Variants in FAAH2 observed in about 807,000 individuals in gnomAD.
The protein encoded by FAAH2 is fatty-acid amide hydrolase 2.
In FAAH2, 60 loss-of-function variants were observed where a neutral mutation model predicts 36.9. The ratio of observed to expected loss-of-function variants is 1.63; its 90% CI spans 1.32 to 2.02. The LOEUF (loss-of-function observed/expected upper bound fraction) is 2.02. Ranked by LOEUF, FAAH2 falls within the 30% of genes most tolerant of loss-of-function variation. The probability of loss-of-function intolerance (pLI) is 0.00; values close to 1 mark genes in which losing one functional copy is unlikely to be tolerated. For missense variants in FAAH2, 689 were observed against 397.5 expected, an observed-to-expected ratio of 1.73 and a Z score of -6.23; for synonymous variants, 214 against 143.8, an observed-to-expected ratio of 1.49 and a Z score of -3.49.
the FAAH2 span, chrX:57,135,582 C>G: frequency 1.8e-6 from 1 of 569,339 alleles, no homozygotes. Flanking sequence ...GCTGTTCGTT[C>G]CTTCCATGCC....
At chrX:57,404,057 G>T (rs1281826603) in intron 7 of FAAH2, among the ~76,000 whole-genome samples, 1 of 112,345 alleles carries the variant, frequency 8.9e-6, no homozygotes, top group Non-Finnish European at 1.9e-5. Flanking sequence ...CAAAGCAGTT[G>T]CTGCTACAGA....
Position 57,380,938 on chromosome X carries a change from T to C in FAAH2, c.905T>C (p.Leu302Ser). 8.4e-7 allele frequency: 1 copy of C among 1,194,597 alleles called. No homozygotes were observed. Among genetic ancestry groups the C allele is most frequent in the Non-Finnish European group, 1.1e-6 (1 of 886,140 alleles). The change falls in exon 7 of 11, where the codon TTA (leucine) becomes TCA (serine). Residue 302 changes from leucine (L) to serine (S), a missense_variant. Transcript: ENST00000374900. ...TTAAAACTAGACACAAAGGTACATT[T>C]AAAAGACTTAAAATTTTACTGGATG... ...KRLKLDTKVH[L>S]KDLKFYWMEH...
the FAAH2 span, among the ~76,000 whole-genome samples, chrX:57,250,719 A>G: frequency 9.1e-6 from 1 of 110,255 alleles, no homozygotes; most frequent in Non-Finnish European, 1.9e-5. Flanking sequence ...ACACTAGTTG[A>G]GTATGAACAA....
the FAAH2 span, among the ~76,000 whole-genome samples, chrX:57,124,596 G>T: frequency 2.7e-5 from 3 of 111,812 alleles, no homozygotes; most frequent in Non-Finnish European, 5.6e-5. Flanking sequence ...ACCTTGGGCA[G>T]TATGGCCATT....
the FAAH2 span, among the ~76,000 whole-genome samples, chrX:57,205,311 G>A: frequency 9.8e-5 from 11 of 112,467 alleles, no homozygotes; most frequent in South Asian, 3.6e-4. Context: ...AATGTCTAGC[G>A]TTAAATATTG....
intron 7 of FAAH2, among the ~76,000 whole-genome samples, chrX:57,392,195 A>C (rs2055182842): frequency 9.0e-6 from 1 of 111,217 alleles, no homozygotes; most frequent in Admixed American, 9.6e-5. Context: ...TTGTTTATCA[A>C]ATATAGGAAT....
At chrX:57,484,600 A>G (rs150893010) in intron 10 of FAAH2, among the ~76,000 whole-genome samples, 1,379 of 111,645 alleles carry the variant, frequency 0.012, 10 homozygotes, top group Non-Finnish European at 0.02. Flanking sequence ...GAAGCAGAAT[A>G]TATTTACTCA....
At chrX:57,303,133 G>T (rs1272604919) in intron 2 of FAAH2, among the ~76,000 whole-genome samples, 1 of 111,705 alleles carries the variant, frequency 9.0e-6, no homozygotes, top group Non-Finnish European at 1.9e-5. Flanking sequence ...TCCTTGGAAA[G>T]AACAGGACTG....
At chrX:57,193,414 C>G in the FAAH2 span, among the ~76,000 whole-genome samples, 12 of 111,895 alleles carry the variant, frequency 1.1e-4, no homozygotes, top group Admixed American at 1.0e-3. Context: ...TAATTTCACC[C>G]CTGTCCTGTG....
intron 10 of FAAH2, among the ~76,000 whole-genome samples, chrX:57,461,919 A>G (rs1256964845): frequency 9.0e-6 from 1 of 110,825 alleles, no homozygotes; most frequent in Non-Finnish European, 1.9e-5. Flanking sequence ...AATAAAGAAG[A>G]AAAGAGAGAA....
intron 7 of FAAH2, among the ~76,000 whole-genome samples, chrX:57,385,274 TATA>T (rs1403333891): frequency 1.1e-4 from 3 of 28,089 alleles, no homozygotes; most frequent in Admixed American, 7.0e-4. Context: ...AGACTTAAAG[TATA>T]ATAAAAAAAA....
At chrX:57,468,709 C>G (rs746119487) in intron 10 of FAAH2, among the ~76,000 whole-genome samples, 24 of 111,464 alleles carry the variant, frequency 2.2e-4, no homozygotes, top group African/African-American at 7.8e-4. Context: ...CCCAATCTAG[C>G]AAGGTAGGCC....
intron 10 of FAAH2, 105 bp downstream of exon 10, chrX:57,448,823 C>T: frequency 1.3e-6 from 1 of 779,009 alleles, no homozygotes; most frequent in Non-Finnish European, 1.9e-6. Flanking sequence ...TTTAAACATG[C>T]AGGTATAAAA....
rs144496006 is a variant in FAAH2, at chrX:57,341,364, G to T, written c.716G>T (p.Gly239Val). The stretch of plus-strand genomic sequence containing the variant: ...ATTCGAATGCCTGCTTTCTTCAATG[G>T]TATATTTGGACACAAGCCTTCTCCA... ...GSIRMPAFFN[G>V]IFGHKPSPGV... The change falls in exon 5 of 11, where the codon GGT (glycine) becomes GTT (valine). Residue 239 changes from glycine to valine, a missense_variant. Transcript: ENST00000374900. 8.3e-7 allele frequency: 1 copy of T among 1,209,978 alleles called. No individual in the cohort carries two copies. Among genetic ancestry groups the T allele is most frequent in the South Asian group, 1.8e-5 (1 of 56,751 alleles).
chrX:57,203,422 C>T, the FAAH2 span, among the ~76,000 whole-genome samples: 2 of 111,762 alleles, frequency 1.8e-5, no homozygotes, highest in Non-Finnish European at 3.8e-5. Context: ...CAACCTTCAG[C>T]GTGGGTGTCA....
intron 10 of FAAH2, among the ~76,000 whole-genome samples, chrX:57,459,260 G>A (rs1278826065): frequency 8.9e-6 from 1 of 112,053 alleles, no homozygotes; most frequent in Non-Finnish European, 1.9e-5. Context: ...AGCAGCTATG[G>A]CCAGACTGCC....
At position 57,310,848 on chromosome X, in the gene FAAH2, T is replaced by C. The variant is rs757821125; in HGVS notation, c.412+119T>C. On this transcript the variant is annotated intron_variant, in intron 3 of 10. Transcript: ENST00000374900. ...GGACAAACTCATGCTGCTTCCTCAG[T>C]TTGAAATGAGAGGAAATATTCAGCA... 2.2e-5 allele frequency: 17 copies of C among 762,107 alleles called. 2 individuals are homozygous for C. The South Asian group carries it at 4.8e-4, about 21-fold the overall frequency. The allele number at this position is 762,107 out of a possible 1,213,427, so 62.8% of individuals were successfully genotyped here.
chrX:57,250,278 T>C, the FAAH2 span, among the ~76,000 whole-genome samples: 1 of 111,776 alleles, frequency 8.9e-6, no homozygotes, highest in Non-Finnish European at 1.9e-5. Flanking sequence ...GTTCCCTTTC[T>C]ACACATTAAG....
the FAAH2 span, among the ~76,000 whole-genome samples, chrX:57,249,796 A>AT: frequency 8.9e-6 from 1 of 112,022 alleles, no homozygotes; most frequent in Non-Finnish European, 1.9e-5. Context: ...TTTAAAATCC[A>AT]TTTTAATTTC....
Sources: allele counts gnomAD v4.1 joint callset (sites outside exome capture counted in the v4.1 genomes callset), GRCh38; gene constraint gnomAD v4.1.1; transcripts MANE v1.5; gene names NCBI Gene and HGNC (gene_info 2026-07-23, HGNC 2026-07-21).